The following ZYG11A variants were observed in gnomAD, a reference collection of about 807,000 sequenced individuals.
The protein encoded by ZYG11A is zyg-11 family member A, cell cycle regulator, also known as protein zyg-11 homolog A.
Under a neutral mutation model 77.2 loss-of-function variants are expected in ZYG11A, and 62 were observed. The ratio of observed to expected loss-of-function variants is 0.80; its 90% CI spans 0.65 to 0.99. ZYG11A has a LOEUF of 0.99. Among genes scored for constraint, ZYG11A ranks in the 50% least tolerant of loss-of-function variants. ZYG11A has a pLI of 0.00. For missense variants in ZYG11A, 828 were observed against 896.8 expected, an observed-to-expected ratio of 0.92 and a Z score of 0.98; for synonymous variants, 315 against 324.6, an observed-to-expected ratio of 0.97 and a Z score of 0.32.
chr1:52,867,802 C>T (rs1421241160), intron 8 of ZYG11A, 25 bp downstream of exon 8: 3 of 1,535,718 alleles, frequency 2.0e-6, no homozygotes, highest in East Asian at 4.9e-5. Flanking sequence ...ATGTTCATAA[C>T]CTTTTTTTAA....
At position 52,883,406 on chromosome 1, in the gene ZYG11A, G is replaced by T. The variant is rs1571878694; in HGVS notation, c.1944+1741G>T. Among the ~76,000 whole-genome samples the T allele has an allele frequency of 2.7e-5, 4 of 150,604 alleles. No homozygotes were observed. The East Asian group carries it at 7.8e-4, about 30-fold the overall frequency. On this transcript the variant is annotated intron_variant, in intron 11 of 13. Coordinates refer to ENST00000371528, the MANE Select transcript of ZYG11A (RefSeq NM_001004339.3). ...CCTGAAGTGCTAGGATTACAGGTGTGAGCCACCATGCCTGGCCAATTTAAA... is the reference window on the plus strand; with the variant it reads ...CCTGAAGTGCTAGGATTACAGGTGTTAGCCACCATGCCTGGCCAATTTAAA...
chr1:52,847,984 C>A (rs1053664932), intron 1 of ZYG11A, among the ~76,000 whole-genome samples: 8 of 152,072 alleles, frequency 5.3e-5, no homozygotes, highest in Non-Finnish European at 1.0e-4. Flanking sequence ...ATTCTCCTGC[C>A]CCAGCCTCCT....
intron 8 of ZYG11A, among the ~76,000 whole-genome samples, chr1:52,874,962 A>G (rs1385062349): frequency 6.6e-6 from 1 of 152,246 alleles, no homozygotes; most frequent in Non-Finnish European, 1.5e-5. Context: ...TGCAGTGGGA[A>G]AACAAATTTG....
At chr1:52,889,798 G>T (rs1452410225) in intron 13 of ZYG11A, among the ~76,000 whole-genome samples, 1 of 149,764 alleles carries the variant, frequency 6.7e-6, no homozygotes, top group Admixed American at 6.7e-5. Context: ...TGCAAGCTCT[G>T]CCTCCCGGGT....
At chr1:52,850,430 T>C (rs1212708828) in intron 1 of ZYG11A, among the ~76,000 whole-genome samples, 1 of 151,960 alleles carries the variant, frequency 6.6e-6, no homozygotes, top group Non-Finnish European at 1.5e-5. Flanking sequence ...GCTATTGTCC[T>C]GCCTCAGCCT....
intron 8 of ZYG11A, among the ~76,000 whole-genome samples, chr1:52,871,667 C>T (rs776469101): frequency 8.6e-5 from 13 of 151,892 alleles, no homozygotes; most frequent in Admixed American, 2.0e-4. Context: ...TTAGTAGAGA[C>T]GGGGTTTTAC....
At chr1:52,859,804 A>T (rs112659698) in intron 3 of ZYG11A, among the ~76,000 whole-genome samples, 2,920 of 147,088 alleles carry the variant, frequency 0.02, 97 homozygotes, top group African/African-American at 0.069. Flanking sequence ...CAGCCTCCCT[A>T]GTAGCTGGGA....
chr1:52,883,088 G>A (rs112887704), intron 11 of ZYG11A, among the ~76,000 whole-genome samples: 2,220 of 151,474 alleles, frequency 0.015, 67 homozygotes, highest in African/African-American at 0.052. Flanking sequence ...CTCTTTGAAC[G>A]TAATAATGAT....
At chr1:52,862,034 C>A (rs989386324) in intron 4 of ZYG11A, among the ~76,000 whole-genome samples, 2 of 151,930 alleles carry the variant, frequency 1.3e-5, no homozygotes, top group Non-Finnish European at 1.5e-5. Flanking sequence ...CATGGTAGAA[C>A]CCCGTCTCTA....
chr1:52,856,126 T>C (rs1268818525), intron 2 of ZYG11A, among the ~76,000 whole-genome samples: 3 of 152,350 alleles, frequency 2.0e-5, no homozygotes, highest in Admixed American at 2.0e-4. Context: ...AAGACTCATC[T>C]GACATTTTGA....
intron 4 of ZYG11A, 135 bp downstream of exon 4, chr1:52,861,006 T>C: frequency 1.2e-6 from 1 of 859,732 alleles, no homozygotes; most frequent in South Asian, 2.0e-5. Flanking sequence ...GAGCAAAGAA[T>C]GTTAAGCTTA....
At chr1:52,884,751 G>A (rs1273140683) in intron 11 of ZYG11A, among the ~76,000 whole-genome samples, 1 of 152,266 alleles carries the variant, frequency 6.6e-6, no homozygotes, top group Non-Finnish European at 1.5e-5. Context: ...TAGTATTTAG[G>A]TTTTAACTCC....
At chr1:52,870,476 TGCAATCTCG>T (rs1231238141) in intron 8 of ZYG11A, among the ~76,000 whole-genome samples, 2 of 152,246 alleles carry the variant, frequency 1.3e-5, no homozygotes, top group East Asian at 3.9e-4. Context: ...GGGCAGAGGC[TGCAATCTCG>T]GCACTTTGGG....
intron 11 of ZYG11A, among the ~76,000 whole-genome samples, chr1:52,882,528 A>G (rs2150019010): frequency 6.6e-6 from 1 of 151,762 alleles, no homozygotes; most frequent in East Asian, 1.9e-4. Flanking sequence ...ATCTTGGTTT[A>G]CTCCCACCTT....
At chr1:52,867,140 T>C (rs1423017942) in intron 6 of ZYG11A, among the ~76,000 whole-genome samples, 1 of 152,198 alleles carries the variant, frequency 6.6e-6, no homozygotes, top group Non-Finnish European at 1.5e-5. Context: ...CCCTGATTTG[T>C]GAATACAAGG....
chr1:52,868,162 C>T lies in ZYG11A; in HGVS notation c.1542+385C>T, dbSNP rs1249540701. Reference sequence around the variant, plus strand: ...TGTATTTTTAGTAGAGACGGGGTTTCACCATGTTGGCCAGGCTGGTCTCGA... The same window carrying T: ...TGTATTTTTAGTAGAGACGGGGTTTTACCATGTTGGCCAGGCTGGTCTCGA... On this transcript the variant is annotated intron_variant, in intron 8 of 13. Transcript: ENST00000371528. Among the ~76,000 whole-genome samples the T allele has an allele frequency of 2.0e-5, 3 of 151,546 alleles. No homozygotes were observed. The East Asian group carries it at 5.9e-4, about 30-fold the overall frequency.
chr1:52,848,416 C>T (rs1352109650), intron 1 of ZYG11A, among the ~76,000 whole-genome samples: 1 of 152,102 alleles, frequency 6.6e-6, no homozygotes, highest in Non-Finnish European at 1.5e-5. Flanking sequence ...CCATATTGTG[C>T]TTTTTTTGTT....
chr1:52,853,984 A>C (rs1351152988), intron 1 of ZYG11A, among the ~76,000 whole-genome samples: 1 of 152,206 alleles, frequency 6.6e-6, no homozygotes, highest in East Asian at 1.9e-4. Context: ...ATGTGAATTC[A>C]GCCAACTTTG....
At chr1:52,843,688 CTTTT>C (rs71044427) in intron 1 of ZYG11A, among the ~76,000 whole-genome samples, 3 of 130,506 alleles carry the variant, frequency 2.3e-5, no homozygotes, top group Non-Finnish European at 4.7e-5. Flanking sequence ...TTCTTTCTTT[CTTTT>C]TTTTTTTTTT....
Sources: allele counts gnomAD v4.1 joint callset (sites outside exome capture counted in the v4.1 genomes callset), GRCh38; gene constraint gnomAD v4.1.1; transcripts MANE v1.5; gene names NCBI Gene and HGNC (gene_info 2026-07-23, HGNC 2026-07-21).